SYNPR: variants seen among roughly 807,000 people sequenced by gnomAD.
The protein encoded by SYNPR is synaptoporin.
A neutral mutation model predicts 32.9 loss-of-function variants in SYNPR; 23 were observed. The ratio of observed to expected loss-of-function variants is 0.70; its 90% CI spans 0.50 to 0.99. SYNPR has a LOEUF of 0.99. SYNPR is among the 50% of genes least tolerant of loss of function. The pLI is 0.00. For synonymous variants in SYNPR, 146 were observed against 135.9 expected (o/e 1.07, Z -0.52); for missense variants, 318 against 349.3 (o/e 0.91, Z 0.71).
chr3:63,272,752 C>T (rs73117518), intron 3 of SYNPR, among the ~76,000 whole-genome samples: 7,162 of 152,092 alleles, frequency 0.047, 235 homozygotes, highest in Middle Eastern at 0.1. Context: ...TGTTTCTTCC[C>T]TGCTATATAA....
chr3:63,362,603 T>C (rs2087675834), intron 2 of SYNPR, among the ~76,000 whole-genome samples: 1 of 152,206 alleles, frequency 6.6e-6, no homozygotes, highest in African/African-American at 2.4e-5. Flanking sequence ...TCTGGTGGAC[T>C]AACACTGAAT....
chr3:63,201,736 A>G, the SYNPR span, among the ~76,000 whole-genome samples: 4 of 152,110 alleles, frequency 2.6e-5, no homozygotes, highest in Admixed American at 2.6e-4. Flanking sequence ...AAAAAAAATT[A>G]CACCAAAAAT....
At chr3:63,337,256 A>T (rs959389566) in intron 2 of SYNPR, among the ~76,000 whole-genome samples, 4 of 147,322 alleles carry the variant, frequency 2.7e-5, no homozygotes, top group African/African-American at 4.9e-5. Context: ...AAAAAAAAAA[A>T]GATGCTCAAC....
At chr3:63,388,610 C>T (rs551193653) in intron 2 of SYNPR, among the ~76,000 whole-genome samples, 59 of 126,026 alleles carry the variant, frequency 4.7e-4, no homozygotes, top group Admixed American at 9.5e-4. Context: ...TTAGTAGAGA[C>T]GGGGTTTCAC....
chr3:63,337,183 G>T (rs1238361797), intron 2 of SYNPR, among the ~76,000 whole-genome samples: 4 of 120,838 alleles, frequency 3.3e-5, no homozygotes, highest in Non-Finnish European at 4.8e-5. Context: ...AGTGAGCAAA[G>T]ATTGTGCCAC....
intron 3 of SYNPR, among the ~76,000 whole-genome samples, chr3:63,496,978 TG>T (rs1701386287): frequency 6.6e-6 from 1 of 152,112 alleles, no homozygotes; most frequent in African/African-American, 2.4e-5. Context: ...AAGAATAGCT[TG>T]ATATTGATCA....
At chr3:63,547,900 A>G (rs9856025) in intron 3 of SYNPR, among the ~76,000 whole-genome samples, 44,772 of 152,034 alleles carry the variant, frequency 0.29, 6,863 homozygotes, top group South Asian at 0.38. Flanking sequence ...GATAACAGAC[A>G]AAAACATTTG....
At chr3:63,352,562 A>C (rs2087523804) in intron 2 of SYNPR, among the ~76,000 whole-genome samples, 1 of 152,202 alleles carries the variant, frequency 6.6e-6, no homozygotes, top group South Asian at 2.1e-4. Flanking sequence ...AAGCAAATAG[A>C]AAAAAGGGGA....
intron 3 of SYNPR, among the ~76,000 whole-genome samples, chr3:63,271,613 A>G (rs1560174829): frequency 6.6e-6 from 1 of 152,162 alleles, no homozygotes; most frequent in Non-Finnish European, 1.5e-5. Flanking sequence ...TATGTTTTAC[A>G]TATATAAATA....
At chr3:63,384,314 A>G (rs922960403) in intron 2 of SYNPR, among the ~76,000 whole-genome samples, 3 of 152,200 alleles carry the variant, frequency 2.0e-5, no homozygotes, top group African/African-American at 7.2e-5. Flanking sequence ...ACATTCTTAG[A>G]GGTTTTTTAG....
the SYNPR span, among the ~76,000 whole-genome samples, chr3:63,220,554 G>A: frequency 6.6e-6 from 1 of 152,188 alleles, no homozygotes; most frequent in African/African-American, 2.4e-5. Context: ...GAAAGAAGGA[G>A]AGAAGACTTG....
At chr3:63,237,684 C>T (rs550185892) in intron 1 of SYNPR, among the ~76,000 whole-genome samples, 1 of 152,136 alleles carries the variant, frequency 6.6e-6, no homozygotes, top group East Asian at 1.9e-4. Flanking sequence ...TTCATTTTAT[C>T]ACATTTAAGT....
chr3:63,328,631 C>G (rs6800187), intron 2 of SYNPR, among the ~76,000 whole-genome samples: 41,995 of 152,038 alleles, frequency 0.28, 7,354 homozygotes, highest in Non-Finnish European at 0.39. Flanking sequence ...TGGGGCTTAG[C>G]AGGAGAGCTG....
rs142086404 is a variant in SYNPR, at chr3:63,336,792, T to C, written c.84+58050T>C. Among the ~76,000 whole-genome samples the C allele has an allele frequency of 3.5e-3, 526 of 152,154 alleles. 2 individuals are homozygous for C. The highest frequency in any genetic ancestry group is 0.011 in the African/African-American group (462 of 41,526). On this transcript the variant is annotated intron_variant, in intron 2 of 5. Coordinates refer to ENST00000478300, the MANE Select transcript of SYNPR (RefSeq NM_001130003.2). ...AAAACTTCTGCTCTGTGAAAGACAC[T>C]GTTAAGGGAATGAAAGACAAGCCAC...
chr3:63,476,143 A>G (rs868306206), intron 2 of SYNPR, among the ~76,000 whole-genome samples: 76 of 27,028 alleles, frequency 2.8e-3, no homozygotes, highest in African/African-American at 0.011. Context: ...GGAAGGAAGG[A>G]AGGAAGGGAG....
chr3:63,380,896 C>T (rs1490695662), intron 2 of SYNPR, among the ~76,000 whole-genome samples: 5 of 152,132 alleles, frequency 3.3e-5, no homozygotes, highest in Admixed American at 1.3e-4. Flanking sequence ...ATTGATGGGA[C>T]ATATCTCAAA....
At chr3:63,239,574 G>T (rs1396759167) in intron 1 of SYNPR, among the ~76,000 whole-genome samples, 2 of 150,686 alleles carry the variant, frequency 1.3e-5, no homozygotes, top group African/African-American at 4.9e-5. Flanking sequence ...CCGTTGTCAG[G>T]TGTGTCATGT....
chr3:63,601,265 C>G (rs1361498122), intron 4 of SYNPR, among the ~76,000 whole-genome samples: 1 of 146,026 alleles, frequency 6.8e-6, no homozygotes, highest in Admixed American at 6.9e-5. Context: ...AAGAGCAAAA[C>G]GCCATCTCAA....
chr3:63,304,707 C>G lies in SYNPR; in HGVS notation c.84+25965C>G, dbSNP rs1241068601. 2.6e-5 allele frequency among the ~76,000 whole-genome samples: 4 copies of G among 151,960 alleles called. No individual in the cohort carries two copies. In the East Asian group the frequency reaches 5.8e-4, roughly 22 times the overall value. On this transcript the variant is annotated intron_variant, in intron 2 of 5. Transcript: ENST00000478300. ...TTTTTTTAAGTAAAAACATCAGTCT[C>G]ACTGGAAGAAAAGTAAAGAATTTGT...
Sources: allele counts gnomAD v4.1 joint callset (sites outside exome capture counted in the v4.1 genomes callset), GRCh38; gene constraint gnomAD v4.1.1; transcripts MANE v1.5; gene names NCBI Gene and HGNC (gene_info 2026-07-23, HGNC 2026-07-21).